OPCML: variants seen among roughly 807,000 people sequenced by gnomAD.
The protein encoded by OPCML is opioid-binding protein/cell adhesion molecule.
OPCML carries 13 observed loss-of-function variants against 37.8 expected under a neutral mutation model. That is an observed-to-expected ratio of 0.34 (90% CI 0.22 to 0.55). The LOEUF (loss-of-function observed/expected upper bound fraction) is 0.55. OPCML is among the 20% of genes least tolerant of loss of function. The probability of loss-of-function intolerance (pLI) is 0.91; values close to 1 mark genes in which losing one functional copy is unlikely to be tolerated. For synonymous variants in OPCML, 176 were observed against 168.8 expected (o/e 1.04, Z -0.33); for missense variants, 341 against 435.6 (o/e 0.78, Z 1.93).
chr11:133,029,675 C>T (rs1326863086), intron 1 of OPCML, among the ~76,000 whole-genome samples: 3 of 152,128 alleles, frequency 2.0e-5, no homozygotes, highest in African/African-American at 7.2e-5. Flanking sequence ...CCCTTGGGTA[C>T]ACATGGACAG....
At chr11:132,863,583 G>A (rs577168626) in intron 2 of OPCML, among the ~76,000 whole-genome samples, 1 of 152,176 alleles carries the variant, frequency 6.6e-6, no homozygotes, top group African/African-American at 2.4e-5. Context: ...CTCAAGGCAG[G>A]TCACTGAAGT....
chr11:132,863,539 CT>C (rs35348732), intron 2 of OPCML, among the ~76,000 whole-genome samples: 21,222 of 152,166 alleles, frequency 0.14, 1,695 homozygotes, highest in Non-Finnish European at 0.18. Context: ...TTAACCTCCC[CT>C]GAGGCTGGCG....
chr11:133,054,875 A>T (rs934898830), intron 1 of OPCML, among the ~76,000 whole-genome samples: 8 of 151,836 alleles, frequency 5.3e-5, no homozygotes, highest in African/African-American at 1.9e-4. Flanking sequence ...TGCTGCCTCC[A>T]TGATACTTCC....
chr11:132,797,209 A>G (rs552560624), intron 2 of OPCML, among the ~76,000 whole-genome samples: 1 of 152,214 alleles, frequency 6.6e-6, no homozygotes, highest in Admixed American at 6.5e-5. Context: ...TTACTTCTGT[A>G]TTTTCTTATA....
chr11:132,981,464 A>G (rs1359698670), intron 1 of OPCML, among the ~76,000 whole-genome samples: 1 of 152,120 alleles, frequency 6.6e-6, no homozygotes, highest in African/African-American at 2.4e-5. Flanking sequence ...TTGGGAGAAC[A>G]CTGAGGGATA....
chr11:133,162,684 A>G (rs1465972889), intron 1 of OPCML, among the ~76,000 whole-genome samples: 1 of 152,168 alleles, frequency 6.6e-6, no homozygotes, highest in Non-Finnish European at 1.5e-5. Context: ...CCACGAGGGA[A>G]GAAAGGAAAA....
chr11:132,551,270 T>C (rs1266085326), intron 3 of OPCML, among the ~76,000 whole-genome samples: 1 of 152,162 alleles, frequency 6.6e-6, no homozygotes, highest in Non-Finnish European at 1.5e-5. Context: ...CATTGCAAAA[T>C]TGTAATTGAG....
intron 2 of OPCML, among the ~76,000 whole-genome samples, chr11:132,671,942 G>A (rs1013977865): frequency 6.6e-6 from 1 of 152,142 alleles, no homozygotes; most frequent in African/African-American, 2.4e-5. Context: ...CACCTTAATT[G>A]TGTTCTGCTC....
In OPCML at chr11:133,127,938, G is replaced by A. The variant is rs570134246; in HGVS notation, c.62-184928C>T. Among the ~76,000 whole-genome samples, 78 of 152,150 alleles carry A rather than the reference G, an allele frequency of 5.1e-4. 1 individual carries two copies. Among genetic ancestry groups the A allele is most frequent in the African/African-American group, 1.6e-3 (68 of 41,522 alleles). On this transcript the variant is annotated intron_variant, in intron 1 of 7. Coordinates refer to ENST00000524381, the MANE Select transcript of OPCML (RefSeq NM_001012393.5). ...CCAGCAGAAGACGGGATGATTATGC[G>A]CTTTGTTCCGCATATGGAAGACAAT... is the stretch of plus-strand genomic sequence containing the variant.
At chr11:133,484,306 T>C (rs1033926802) in intron 1 of OPCML, among the ~76,000 whole-genome samples, 2 of 151,982 alleles carry the variant, frequency 1.3e-5, no homozygotes, top group African/African-American at 4.8e-5. Flanking sequence ...AAGAAAAAGG[T>C]CTTAACTGCG....
intron 1 of OPCML, among the ~76,000 whole-genome samples, chr11:133,140,724 AGACGACGAC>A (rs369146961): frequency 4.5e-5 from 1 of 22,152 alleles, no homozygotes; most frequent in South Asian, 1.6e-3. Context: ...CGAAGACGGA[AGACGACGAC>A]GACGACGACG....
chr11:132,905,755 C>A (rs577688616), intron 2 of OPCML, among the ~76,000 whole-genome samples: 1 of 151,914 alleles, frequency 6.6e-6, no homozygotes, highest in Non-Finnish European at 1.5e-5. Flanking sequence ...AATCCTAGTT[C>A]CAGCATTTTC....
At chr11:132,430,324 G>C (rs1401564675) in intron 7 of OPCML, among the ~76,000 whole-genome samples, 1 of 152,182 alleles carries the variant, frequency 6.6e-6, no homozygotes, top group African/African-American at 2.4e-5. Context: ...AGGCAGCGGC[G>C]ATGAGGGCTC....
At chr11:133,293,578 G>A (rs186751679) in intron 1 of OPCML, among the ~76,000 whole-genome samples, 93 of 152,202 alleles carry the variant, frequency 6.1e-4, no homozygotes, top group African/African-American at 2.1e-3. Flanking sequence ...CACGTGCCAC[G>A]GAGAATCAAA....
In OPCML at chr11:133,269,317, G is replaced by C. The variant is rs138596735; in HGVS notation, c.61+262947C>G. Among the ~76,000 whole-genome samples, 588 of 152,238 alleles carry C rather than the reference G, an allele frequency of 3.9e-3. 5 individuals carry two copies. The highest frequency in any genetic ancestry group is 0.013 in the African/African-American group (546 of 41,532). On this transcript the variant is annotated intron_variant, in intron 1 of 7. Transcript: ENST00000524381. ...AAACAAACAAACAAACTTGGGTTCT[G>C]ACATTCTGCAGAAAGCAGGTGTATA...
chr11:133,084,500 C>T (rs1948789864), intron 1 of OPCML, among the ~76,000 whole-genome samples: 1 of 152,206 alleles, frequency 6.6e-6, no homozygotes. Flanking sequence ...GCAGGCATCT[C>T]TTGAGGGTGT....
At chr11:133,049,793 C>A (rs1028779018) in intron 1 of OPCML, among the ~76,000 whole-genome samples, 3 of 152,202 alleles carry the variant, frequency 2.0e-5, no homozygotes, top group African/African-American at 7.2e-5. Flanking sequence ...GTCAGCTCAG[C>A]TAGGCTGAAC....
At chr11:132,477,769 C>A (rs986846217) in intron 4 of OPCML, among the ~76,000 whole-genome samples, 3 of 152,120 alleles carry the variant, frequency 2.0e-5, no homozygotes, top group Non-Finnish European at 2.9e-5. Context: ...GGAACATAGA[C>A]TGATGTATTA....
intron 3 of OPCML, among the ~76,000 whole-genome samples, chr11:132,582,998 ACT>A (rs948393123): frequency 6.6e-6 from 1 of 151,756 alleles, no homozygotes; most frequent in Non-Finnish European, 1.5e-5. Flanking sequence ...GATGCACACC[ACT>A]GTGATGCAAA....
Sources: allele counts gnomAD v4.1 joint callset (sites outside exome capture counted in the v4.1 genomes callset), GRCh38; gene constraint gnomAD v4.1.1; transcripts MANE v1.5; gene names NCBI Gene and HGNC (gene_info 2026-07-23, HGNC 2026-07-21).